BABAM2: variants seen among roughly 807,000 people sequenced by gnomAD.
BABAM2 encodes BRISC and BRCA1-A complex member 2.
In BABAM2, 31 loss-of-function variants were observed where a neutral mutation model predicts 54.7. The observed-to-expected ratio is 0.57, with a 90% confidence interval of 0.43 to 0.77. The LOEUF is 0.77. BABAM2 is among the 30% of genes least tolerant of loss of function. The probability of loss-of-function intolerance (pLI) is 0.00; values close to 1 mark genes in which losing one functional copy is unlikely to be tolerated. For synonymous variants in BABAM2, 167 were observed against 162.9 expected, an observed-to-expected ratio of 1.03 and a Z score of -0.19; for missense variants, 364 against 455.8, an observed-to-expected ratio of 0.80 and a Z score of 1.83.
chr2:28,231,785 CTT>C (rs549515372), intron 7 of BABAM2, among the ~76,000 whole-genome samples: 41 of 57,614 alleles, frequency 7.1e-4, no homozygotes, highest in Non-Finnish European at 8.0e-4. Flanking sequence ...AGAGAGATGT[CTT>C]TTTTTTTTTT....
chr2:27,937,841 T>G (rs553823984), intron 3 of BABAM2, among the ~76,000 whole-genome samples: 1 of 152,298 alleles, frequency 6.6e-6, no homozygotes, highest in East Asian at 1.9e-4. Context: ...TGCTTTTGCT[T>G]TCTGTATTTT....
intron 7 of BABAM2, among the ~76,000 whole-genome samples, chr2:28,147,911 A>T (rs1030401611): frequency 6.6e-6 from 1 of 152,146 alleles, no homozygotes; most frequent in Non-Finnish European, 1.5e-5. Flanking sequence ...ATGACCCCTT[A>T]GTGATTGAGA....
intron 10 of BABAM2, among the ~76,000 whole-genome samples, chr2:28,294,943 A>G (rs1360973184): frequency 6.6e-6 from 1 of 152,214 alleles, no homozygotes; most frequent in African/African-American, 2.4e-5. Flanking sequence ...TTGTTAGACA[A>G]ATCTCCATGG....
At chr2:28,034,333 G>A (rs1276139092) in intron 5 of BABAM2, among the ~76,000 whole-genome samples, 1 of 152,160 alleles carries the variant, frequency 6.6e-6, no homozygotes, top group African/African-American at 2.4e-5. Flanking sequence ...CTACATTGTT[G>A]TCTGGACCTT....
At chr2:27,966,133 G>T (rs1670826506) in intron 3 of BABAM2, among the ~76,000 whole-genome samples, 1 of 152,074 alleles carries the variant, frequency 6.6e-6, no homozygotes, top group Admixed American at 6.5e-5. Flanking sequence ...TTCATTAGAG[G>T]CATATAATAT....
At chr2:27,946,245 AT>A (rs974430691) in intron 3 of BABAM2, among the ~76,000 whole-genome samples, 55 of 151,926 alleles carry the variant, frequency 3.6e-4, no homozygotes, top group African/African-American at 1.1e-3. Flanking sequence ...ATATATGTTA[AT>A]TTTTTTTCTC....
intron 6 of BABAM2, among the ~76,000 whole-genome samples, chr2:28,085,492 A>G (rs909756932): frequency 3.9e-5 from 6 of 152,108 alleles, no homozygotes; most frequent in African/African-American, 1.2e-4. Context: ...AAATTTGCCT[A>G]TGTGGTCAAC....
At chr2:28,182,583 C>G (rs1440965027) in intron 7 of BABAM2, among the ~76,000 whole-genome samples, 2 of 152,142 alleles carry the variant, frequency 1.3e-5, no homozygotes, top group Non-Finnish European at 2.9e-5. Context: ...CAGATCAGTG[C>G]TAGAAAGGCT....
chr2:28,235,829 A>AT (rs1168899170), intron 7 of BABAM2, among the ~76,000 whole-genome samples: 69 of 147,176 alleles, frequency 4.7e-4, no homozygotes, highest in South Asian at 6.4e-4. Flanking sequence ...TAATTTTTTA[A>AT]TTTTTTTTTT....
At chr2:28,024,156 G>A (rs1243902329) in intron 4 of BABAM2, among the ~76,000 whole-genome samples, 1 of 152,136 alleles carries the variant, frequency 6.6e-6, no homozygotes. Flanking sequence ...TCTAATCCCA[G>A]CACTTTGGGA....
chr2:28,232,418 C>T lies in BABAM2; in HGVS notation c.681-4784C>T, dbSNP rs545925821. On this transcript the variant is annotated intron_variant, in intron 7 of 11. Coordinates refer to ENST00000379624, the MANE Select transcript of BABAM2 (RefSeq NM_199191.3). ...ACAATTCCTTTATGCCGTCACGTTG[C>T]AGCCAAGTTAAGTCTTCAATACAGT... Among the ~76,000 whole-genome samples the T allele has an allele frequency of 2.6e-5, 4 of 152,308 alleles. No homozygotes were observed. In the South Asian group the frequency reaches 8.3e-4, roughly 32 times the overall value.
intron 3 of BABAM2, among the ~76,000 whole-genome samples, chr2:27,967,816 T>G (rs1201208432): frequency 6.6e-6 from 1 of 152,176 alleles, no homozygotes; most frequent in East Asian, 1.9e-4. Context: ...GCAAAGAGAT[T>G]GGCGGCATTT....
At chr2:28,088,147 G>T (rs914964455) in intron 6 of BABAM2, among the ~76,000 whole-genome samples, 3 of 152,124 alleles carry the variant, frequency 2.0e-5, no homozygotes, top group Admixed American at 2.0e-4. Flanking sequence ...AGATGTCATA[G>T]ATTATGGTGA....
At chr2:27,983,957 T>G (rs1672210952) in intron 3 of BABAM2, among the ~76,000 whole-genome samples, 2 of 143,758 alleles carry the variant, frequency 1.4e-5, no homozygotes, top group South Asian at 4.5e-4. Flanking sequence ...TTTTTTTTTT[T>G]TTTTGCCAAA....
intron 2 of BABAM2, among the ~76,000 whole-genome samples, chr2:27,903,866 A>T (rs762863946): frequency 2.0e-5 from 3 of 152,086 alleles, no homozygotes; most frequent in Non-Finnish European, 4.4e-5. Flanking sequence ...ATTTTTTTTT[A>T]ATTCCTTATT....
chr2:28,143,388 C>T (rs1295808212), intron 7 of BABAM2, among the ~76,000 whole-genome samples: 2 of 152,038 alleles, frequency 1.3e-5, no homozygotes, highest in Non-Finnish European at 2.9e-5. Flanking sequence ...AGAATACAAA[C>T]TTGCAGTTTG....
chr2:28,082,300 G>A (rs1043178292), intron 6 of BABAM2, among the ~76,000 whole-genome samples: 4 of 152,242 alleles, frequency 2.6e-5, no homozygotes, highest in African/African-American at 9.6e-5. Context: ...GTTGTCTGAT[G>A]TGGTTGAGCA....
rs141089713 is a variant in BABAM2 at position 27,985,241 on chromosome 2, C to T, written c.206-2752C>T. The stretch of plus-strand genomic sequence containing the variant: ...GACTCCTTTTCCTCCAGGTAGATAC[C>T]CAGTGGTGGGATTGTGGATCAAATG... On this transcript the variant is annotated intron_variant, in intron 3 of 11. Transcript: ENST00000379624. 6.3e-3 allele frequency among the ~76,000 whole-genome samples: 958 copies of T among 152,078 alleles called. 6 individuals carry two copies. Among genetic ancestry groups the T allele is most frequent in the Non-Finnish European group, 7.8e-3 (532 of 67,972 alleles).
chr2:28,292,042 C>A (rs928541237), intron 10 of BABAM2, among the ~76,000 whole-genome samples: 2 of 151,966 alleles, frequency 1.3e-5, no homozygotes. Flanking sequence ...CGTTTCCTAA[C>A]GAGGCTTGGA....
Sources: allele counts gnomAD v4.1 joint callset (sites outside exome capture counted in the v4.1 genomes callset), GRCh38; gene constraint gnomAD v4.1.1; transcripts MANE v1.5; gene names NCBI Gene and HGNC (gene_info 2026-07-23, HGNC 2026-07-21).